The following FHIT variants were observed in gnomAD, a reference collection of about 807,000 sequenced individuals.
FHIT encodes fragile histidine triad diadenosine triphosphatase.
Under a neutral mutation model 17.9 loss-of-function variants are expected in FHIT, and 19 were observed. The ratio of observed to expected loss-of-function variants is 1.06; its 90% CI spans 0.74 to 1.56. The LOEUF (loss-of-function observed/expected upper bound fraction) is 1.56, where lower values mean the gene tolerates loss of function less well. Ranked by LOEUF, FHIT falls within the 40% of genes most tolerant of loss-of-function variation. FHIT has a pLI of 0.00. For synonymous variants in FHIT, 81 were observed against 69.7 expected, an observed-to-expected ratio of 1.16 and a Z score of -0.81; for missense variants, 248 against 189.2, an observed-to-expected ratio of 1.31 and a Z score of -1.82.
intron 5 of FHIT, among the ~76,000 whole-genome samples, chr3:60,086,789 C>A (rs1186029113): frequency 6.6e-6 from 1 of 152,226 alleles, no homozygotes; most frequent in African/African-American, 2.4e-5. Context: ...GTGGGTGCAG[C>A]TCAAGTAGCT....
chr3:60,658,973 T>TTC (rs1398436097), intron 4 of FHIT, among the ~76,000 whole-genome samples: 55 of 152,012 alleles, frequency 3.6e-4, no homozygotes, highest in African/African-American at 1.3e-3. Flanking sequence ...TTTTTTTTTT[T>TTC]TTTAATATGA....
chr3:60,752,406 T>A lies in FHIT; in HGVS notation c.-18+69513A>T, dbSNP rs114988117. Among the ~76,000 whole-genome samples, 446 of 152,308 alleles carry A rather than the reference T, an allele frequency of 2.9e-3. 3 individuals carry two copies. Among genetic ancestry groups the A allele is most frequent in the African/African-American group, 0.01 (431 of 41,564 alleles). On this transcript the variant is annotated intron_variant, in intron 4 of 9. Coordinates refer to ENST00000492590, the MANE Select transcript of FHIT (RefSeq NM_002012.4). ...CATTCGATTTTTCACAGGGAGCTCA[T>A]GAAACTAAGGCTTCTGTGCAGCAGC...
chr3:61,153,873 T>C (rs569723293), intron 2 of FHIT, among the ~76,000 whole-genome samples: 9 of 152,332 alleles, frequency 5.9e-5, no homozygotes, highest in African/African-American at 2.2e-4. Context: ...CAAGTCTTGA[T>C]ATTATTTTGT....
At chr3:61,147,238 T>C (rs57125660) in intron 2 of FHIT, among the ~76,000 whole-genome samples, 34,944 of 151,934 alleles carry the variant, frequency 0.23, 4,481 homozygotes, top group East Asian at 0.41. Flanking sequence ...AAACGTTCTG[T>C]TGAGGCGACA....
chr3:60,225,675 C>A (rs937071133), intron 5 of FHIT, among the ~76,000 whole-genome samples: 1 of 152,138 alleles, frequency 6.6e-6, no homozygotes, highest in Non-Finnish European at 1.5e-5. Flanking sequence ...CTGTTAAATA[C>A]CAGAGCAACA....
intron 3 of FHIT, among the ~76,000 whole-genome samples, chr3:60,991,288 G>A (rs538362405): frequency 2.0e-5 from 3 of 152,308 alleles, no homozygotes; most frequent in East Asian, 3.9e-4. Flanking sequence ...TCAATGACCC[G>A]AGGGCATTGA....
At chr3:60,221,945 T>C (rs902618778) in intron 5 of FHIT, among the ~76,000 whole-genome samples, 5 of 152,152 alleles carry the variant, frequency 3.3e-5, no homozygotes, top group Non-Finnish European at 7.3e-5. Flanking sequence ...CCTATATAAA[T>C]GTGGGTATGC....
At chr3:60,244,252 G>C (rs1225978577) in intron 5 of FHIT, among the ~76,000 whole-genome samples, 1 of 151,934 alleles carries the variant, frequency 6.6e-6, no homozygotes, top group Non-Finnish European at 1.5e-5. Flanking sequence ...TCAAGGAAAG[G>C]GAATTGTCTA....
chr3:60,678,948 G>A (rs2107857921), intron 4 of FHIT, among the ~76,000 whole-genome samples: 1 of 130,800 alleles, frequency 7.6e-6, no homozygotes, highest in South Asian at 2.5e-4. Context: ...AAAGGTAACT[G>A]TTTTGAGTCC....
intron 4 of FHIT, among the ~76,000 whole-genome samples, chr3:60,581,352 A>C (rs191833222): frequency 1.8e-4 from 27 of 152,244 alleles, no homozygotes; most frequent in South Asian, 8.3e-4. Flanking sequence ...ACTTAATTCT[A>C]GTACCTTGCT....
intron 5 of FHIT, among the ~76,000 whole-genome samples, chr3:60,339,321 A>G (rs913887595): frequency 6.6e-6 from 1 of 152,156 alleles, no homozygotes; most frequent in East Asian, 1.9e-4. Context: ...CCAGCACACT[A>G]TATTTCTAGT....
chr3:60,608,731 G>GA (rs1410218638), intron 4 of FHIT, among the ~76,000 whole-genome samples: 1 of 151,968 alleles, frequency 6.6e-6, no homozygotes, highest in Admixed American at 6.6e-5. Context: ...AAATACAAAA[G>GA]AAAAAATAAA....
At chr3:60,444,665 A>C (rs2107345449) in intron 5 of FHIT, among the ~76,000 whole-genome samples, 1 of 152,148 alleles carries the variant, frequency 6.6e-6, no homozygotes, top group Non-Finnish European at 1.5e-5. Context: ...TGGACACAGG[A>C]AAGGGAACAT....
intron 3 of FHIT, among the ~76,000 whole-genome samples, chr3:60,927,478 C>A (rs542772064): frequency 6.6e-6 from 1 of 152,126 alleles, no homozygotes; most frequent in Non-Finnish European, 1.5e-5. Context: ...CTCTGCCTGG[C>A]CACCCAGTCT....
chr3:60,613,644 C>T (rs1576972331), intron 4 of FHIT, among the ~76,000 whole-genome samples: 1 of 152,036 alleles, frequency 6.6e-6, no homozygotes, highest in Admixed American at 6.5e-5. Context: ...TCCCTACTTC[C>T]TTTTCTTTAA....
intron 5 of FHIT, among the ~76,000 whole-genome samples, chr3:60,477,223 A>T (rs1217491471): frequency 2.0e-5 from 3 of 151,494 alleles, no homozygotes; most frequent in Admixed American, 1.3e-4. Flanking sequence ...TTCAGTTCTT[A>T]TTCTAATGCA....
chr3:60,624,230 G>T (rs1326606888), intron 4 of FHIT, among the ~76,000 whole-genome samples: 2 of 152,196 alleles, frequency 1.3e-5, no homozygotes, highest in African/African-American at 4.8e-5. Context: ...AATGCAAAAT[G>T]AGAAGCAAGG....
chr3:59,997,972 G>C (rs1405637895), intron 7 of FHIT, among the ~76,000 whole-genome samples: 1 of 152,006 alleles, frequency 6.6e-6, no homozygotes, highest in Non-Finnish European at 1.5e-5. Context: ...ATTTAGTCAG[G>C]TTTCAACACA....
chr3:60,057,094 G>T (rs1702112968), intron 5 of FHIT, among the ~76,000 whole-genome samples: 1 of 152,142 alleles, frequency 6.6e-6, no homozygotes, highest in Non-Finnish European at 1.5e-5. Flanking sequence ...TGGAACTTCT[G>T]GGGGTGGGAG....
Sources: allele counts gnomAD v4.1 joint callset (sites outside exome capture counted in the v4.1 genomes callset), GRCh38; gene constraint gnomAD v4.1.1; transcripts MANE v1.5; gene names NCBI Gene and HGNC (gene_info 2026-07-23, HGNC 2026-07-21).